Variants in SVIL observed in about 807,000 individuals in gnomAD.
The protein encoded by SVIL is archvillin.
SVIL carries 101 observed loss-of-function variants against 240.4 expected under a neutral mutation model. The ratio of observed to expected loss-of-function variants is 0.42; its 90% CI spans 0.36 to 0.50. The LOEUF is 0.50. SVIL is among the 20% of genes least tolerant of loss of function. The pLI is 0.01. For missense variants in SVIL, 2,512 were observed against 2,818.7 expected, an observed-to-expected ratio of 0.89 and a Z score of 2.46; for synonymous variants, 999 against 1,100.0, an observed-to-expected ratio of 0.91 and a Z score of 1.82.
rs200087851 is a variant in SVIL at position 29,481,607 on chromosome 10, G to A, written c.5077C>T (p.Pro1693Ser). Residue 1693 changes from proline to serine, a missense_variant, in exon 28 of 38, where the codon CCC (proline) becomes TCC (serine). Pro to Ser is a moderately conservative substitution (Grantham distance 74). Coordinates refer to ENST00000355867, the MANE Select transcript of SVIL (RefSeq NM_021738.3). ...ACCTTGTGCTGGGCAAGTTCCCCGG[G>A]GTTCTTCTCATTCGATCTCTTCAGT... is the stretch of plus-strand genomic sequence containing the variant. Reference protein sequence around the residue: ...TELKRSNEKNPGELAQHKEDP... With the variant: ...TELKRSNEKNSGELAQHKEDP... 9.9e-5 allele frequency: 159 copies of A among 1,613,960 alleles called. No individual in the cohort carries two copies. Among genetic ancestry groups the A allele is most frequent in the Admixed American group, 1.3e-4 (8 of 59,996 alleles).
intron 16 of SVIL, among the ~76,000 whole-genome samples, chr10:29,517,604 C>T (rs1443471005): frequency 2.6e-5 from 4 of 152,140 alleles, no homozygotes; most frequent in African/African-American, 7.2e-5. Flanking sequence ...GGGTGGGATA[C>T]CGAAGGGTGG....
chr10:29,558,163 C>T (rs2132674798), intron 3 of SVIL, among the ~76,000 whole-genome samples: 1 of 152,248 alleles, frequency 6.6e-6, no homozygotes. Context: ...ACGCCACTAG[C>T]CCAGCACTGC....
intron 3 of SVIL, among the ~76,000 whole-genome samples, chr10:29,556,629 T>C (rs1427361195): frequency 6.6e-6 from 1 of 152,216 alleles, no homozygotes; most frequent in African/African-American, 2.4e-5. Flanking sequence ...GGTCTCCCAG[T>C]TGGCCTCCCC....
chr10:29,586,722 G>A (rs917710388), intron 1 of SVIL, among the ~76,000 whole-genome samples: 28 of 152,236 alleles, frequency 1.8e-4, no homozygotes, highest in Admixed American at 9.2e-4. Context: ...AAAAAAGAAC[G>A]AAACTATGTC....
chr10:29,545,724 G>A (rs887153521), intron 6 of SVIL, among the ~76,000 whole-genome samples: 14 of 151,864 alleles, frequency 9.2e-5, no homozygotes, highest in South Asian at 2.1e-4. Flanking sequence ...GTGTGGTGGC[G>A]CATGCCTGTA....
intron 18 of SVIL, among the ~76,000 whole-genome samples, 176 bp downstream of exon 18, chr10:29,498,936 GAGCC>G: frequency 6.6e-6 from 1 of 152,198 alleles, no homozygotes. Context: ...AGCCATGACT[GAGCC>G]ACTGCACCCC....
At chr10:29,615,163 T>C (rs1440942760) in intron 1 of SVIL, among the ~76,000 whole-genome samples, 2 of 152,160 alleles carry the variant, frequency 1.3e-5, no homozygotes, top group Non-Finnish European at 2.9e-5. Context: ...ACAGCATCTA[T>C]TTAAGAAACA....
intron 3 of SVIL, among the ~76,000 whole-genome samples, chr10:29,559,134 A>G (rs1954218268): frequency 6.6e-6 from 1 of 152,028 alleles, no homozygotes; most frequent in African/African-American, 2.4e-5. Flanking sequence ...TTTTATTTAT[A>G]AAGCCTACCT....
In SVIL at chr10:29,563,813, A is replaced by C. The variant is rs145427279; in HGVS notation, c.-142-521T>G. On this transcript the variant is annotated intron_variant, in intron 2 of 37. Coordinates refer to ENST00000355867, the MANE Select transcript of SVIL (RefSeq NM_021738.3). ...AGACTCGTGTTGGAATAAAAGAGGA[A>C]ATGAAAGAGGAGAATAATAAAGGAA... Among the ~76,000 whole-genome samples, 743 of 152,328 alleles carry C rather than the reference A, an allele frequency of 4.9e-3. 5 individuals are homozygous for C. Among genetic ancestry groups the C allele is most frequent in the African/African-American group, 0.017 (713 of 41,564 alleles).
intron 6 of SVIL, among the ~76,000 whole-genome samples, chr10:29,545,594 C>T (rs61846598): frequency 0.2 from 30,996 of 152,034 alleles, 3,866 homozygotes; most frequent in East Asian, 0.32. Flanking sequence ...TGGTGGCTCA[C>T]GCCTGTAATC....
chr10:29,606,890 G>A (rs547936445), intron 1 of SVIL, among the ~76,000 whole-genome samples: 79 of 152,270 alleles, frequency 5.2e-4, no homozygotes, highest in African/African-American at 1.9e-3. Context: ...AAGCAGCTGG[G>A]ATTACAGCCA....
intron 3 of SVIL, among the ~76,000 whole-genome samples, chr10:29,557,073 C>A (rs1196920380): frequency 6.6e-6 from 1 of 151,992 alleles, no homozygotes; most frequent in Non-Finnish European, 1.5e-5. Flanking sequence ...CCTGCCTTCC[C>A]CTTCCCTTTC....
intron 34 of SVIL, 145 bp downstream of exon 34, chr10:29,465,450 A>G: frequency 1.0e-6 from 1 of 985,376 alleles, no homozygotes; most frequent in Non-Finnish European, 1.4e-6. Context: ...GGTGAGGATG[A>G]AAAGAGTGTA....
intron 36 of SVIL, among the ~76,000 whole-genome samples, chr10:29,461,568 A>T (rs1311221803): frequency 6.6e-6 from 1 of 152,116 alleles, no homozygotes; most frequent in African/African-American, 2.4e-5. Flanking sequence ...ATGGTAAAAA[A>T]CCTATCTCTC....
chr10:29,479,078 C>T (rs2132344634), intron 29 of SVIL, among the ~76,000 whole-genome samples: 1 of 152,142 alleles, frequency 6.6e-6, no homozygotes, highest in Non-Finnish European at 1.5e-5. Flanking sequence ...TTAAGAAGCC[C>T]CTGAAGTTTG....
In SVIL at chr10:29,494,907, T is replaced by A. The variant is rs756767464; in HGVS notation, c.3841+7A>T. ...GAGAGCAAAGCCTTCTGGCTTCCAG[T>A]AGGTACCTTTGTTATTCAGCCTTCT... On this transcript the variant is annotated splice_region_variant and intron_variant, in intron 20 of 37. Coordinates refer to ENST00000355867, the MANE Select transcript of SVIL (RefSeq NM_021738.3). 5.6e-6 allele frequency: 9 copies of A among 1,607,138 alleles called. No individual in the cohort carries two copies. Among genetic ancestry groups the A allele is most frequent in the African/African-American group, 1.4e-5 (1 of 73,178 alleles).
chr10:29,721,348 G>A (rs534876407), intron 1 of SVIL, among the ~76,000 whole-genome samples: 1 of 152,076 alleles, frequency 6.6e-6, no homozygotes, highest in South Asian at 2.1e-4. Flanking sequence ...ACAGTAAGAT[G>A]ACAGATTTAA....
At chr10:29,678,359 C>T (rs1177226704) in intron 2 of SVIL, among the ~76,000 whole-genome samples, 1 of 151,884 alleles carries the variant, frequency 6.6e-6, no homozygotes, top group African/African-American at 2.4e-5. Context: ...CAACCTAGCT[C>T]CCTCAAATGC....
chr10:29,625,624 C>T (rs922066151), intron 1 of SVIL, among the ~76,000 whole-genome samples: 8 of 151,978 alleles, frequency 5.3e-5, no homozygotes, highest in South Asian at 2.1e-4. Flanking sequence ...CCACCATGCC[C>T]GATAATTTTT....
Sources: allele counts gnomAD v4.1 joint callset (sites outside exome capture counted in the v4.1 genomes callset), GRCh38; gene constraint gnomAD v4.1.1; transcripts MANE v1.5; gene names NCBI Gene and HGNC (gene_info 2026-07-23, HGNC 2026-07-21).